The following TVP23A variants were observed in gnomAD, a reference collection of about 807,000 sequenced individuals.
TVP23A encodes trans-golgi network vesicle protein 23 homolog A, also known as Golgi apparatus membrane protein TVP23 homolog A.
In TVP23A, 21 loss-of-function variants were observed where a neutral mutation model predicts 31.7. The observed-to-expected ratio is 0.66, with a 90% CI of 0.47 to 0.95. The LOEUF is 0.95. Among genes scored for constraint, TVP23A ranks in the 40% least tolerant of loss-of-function variants. The pLI is 0.00. For missense variants in TVP23A, 279 were observed against 255.6 expected, an observed-to-expected ratio of 1.09 and a Z score of -0.62; for synonymous variants, 104 against 96.0, an observed-to-expected ratio of 1.08 and a Z score of -0.49.
chr16:10,816,841 T>C (rs1254060058), intron 2 of TVP23A, among the ~76,000 whole-genome samples: 1 of 151,450 alleles, frequency 6.6e-6, no homozygotes, highest in Admixed American at 6.6e-5. Flanking sequence ...ACCTTCACGT[T>C]GTGCACATGT....
At chr16:10,775,247 C>A in intron 2 of TVP23A, 151 bp from the exon 3 acceptor site, 1 of 1,446,246 alleles carries the variant, frequency 6.9e-7, no homozygotes, top group Non-Finnish European at 9.1e-7. Flanking sequence ...CAGGCTGTAG[C>A]CCTGGGGACA....
chr16:10,802,490 G>T (rs1271950881), intron 2 of TVP23A, among the ~76,000 whole-genome samples: 3 of 151,994 alleles, frequency 2.0e-5, no homozygotes, highest in Non-Finnish European at 4.4e-5. Context: ...ATGTTGGCCA[G>T]GCTGGTCTCC....
At chr16:10,803,185 G>A (rs1022233704) in intron 2 of TVP23A, among the ~76,000 whole-genome samples, 4 of 151,774 alleles carry the variant, frequency 2.6e-5, no homozygotes, top group African/African-American at 7.3e-5. Context: ...TCAGGAGGCT[G>A]AGGCAGGAGA....
chr16:10,788,240 T>G (rs915944378), intron 2 of TVP23A, among the ~76,000 whole-genome samples: 2 of 151,376 alleles, frequency 1.3e-5, no homozygotes, highest in Non-Finnish European at 2.9e-5. Context: ...GAGAAAGGAG[T>G]GTCTGGGTTA....
intron 2 of TVP23A, chr16:10,800,399 T>C (rs573182634): frequency 3.3e-5 from 5 of 152,212 alleles, no homozygotes; most frequent in Non-Finnish European, 7.3e-5. Flanking sequence ...CATTTTAATA[T>C]TTCTGGAACC....
rs188679467 is a variant in TVP23A, at chr16:10,790,353, C to T, written c.90-15257G>A. 3.1e-3 allele frequency among the ~76,000 whole-genome samples: 432 copies of T among 139,908 alleles called. 1 individual carries two copies. Among genetic ancestry groups the T allele is most frequent in the Non-Finnish European group, 4.7e-3 (315 of 66,612 alleles). 91.8% of individuals were successfully genotyped at this position (139,908 alleles called of 152,430 possible). On this transcript the variant is annotated intron_variant, in intron 2 of 7. Coordinates refer to ENST00000299866, the MANE Select transcript of TVP23A (RefSeq NM_001079512.4). Reference sequence around the variant, plus strand: ...AGGCTGGAGTGCAGTGGCGTGATCTCGGCTCACTACAACCTCCGCCTTCCA... The same window carrying T: ...AGGCTGGAGTGCAGTGGCGTGATCTTGGCTCACTACAACCTCCGCCTTCCA...
intron 2 of TVP23A, among the ~76,000 whole-genome samples, chr16:10,810,271 T>C (rs1044625852): frequency 1.3e-5 from 2 of 151,810 alleles, no homozygotes; most frequent in Admixed American, 6.6e-5. Flanking sequence ...AGATCCACCC[T>C]CATGCAGTGG....
chr16:10,806,364 C>A (rs1200674498), intron 2 of TVP23A, among the ~76,000 whole-genome samples: 1 of 152,014 alleles, frequency 6.6e-6, no homozygotes, highest in East Asian at 1.9e-4. Flanking sequence ...AAGAAAAGAA[C>A]TAAATACTCT....
chr16:10,767,956 T>C lies in TVP23A; in HGVS notation c.*1146A>G, dbSNP rs747491057. 4.3e-6 allele frequency: 7 copies of C among 1,614,172 alleles called. No homozygotes were observed. Among genetic ancestry groups the C allele is most frequent in the South Asian group, 2.2e-5 (2 of 91,078 alleles). The stretch of plus-strand genomic sequence containing the variant: ...GTTTGTTTCTTTTTTAAGGTAAGAA[T>C]TGTGACAAAGGCCAGTCTTTTTTCA... On this transcript the variant is annotated 3_prime_UTR_variant, in exon 8 of 8. Transcript: ENST00000299866. The surrounding 1 kb of genome is among the most constrained non-coding windows in gnomAD (Gnocchi z 4.6).
chr16:10,811,499 G>T lies in TVP23A; in HGVS notation c.89+6604C>A. Among the ~76,000 whole-genome samples the T allele has an allele frequency of 1.3e-5, 2 of 151,846 alleles. 1 individual carries two copies. The highest frequency in any genetic ancestry group is 3.9e-4 in the East Asian group (2 of 5,184). On this transcript the variant is annotated intron_variant, in intron 2 of 7. Coordinates refer to ENST00000299866, the MANE Select transcript of TVP23A (RefSeq NM_001079512.4). ...TGCTCAGGCTGGTCTCAAACTCCTG[G>T]CCTCAAGCAATCCACCTGACTCAGC...
intron 2 of TVP23A, among the ~76,000 whole-genome samples, chr16:10,778,361 T>C (rs1268641186): frequency 1.3e-5 from 2 of 152,082 alleles, no homozygotes; most frequent in Non-Finnish European, 2.9e-5. Flanking sequence ...CACATAGAAC[T>C]TAAAAACTTC....
chr16:10,770,585 A>C (rs984551283), intron 6 of TVP23A, among the ~76,000 whole-genome samples: 3 of 151,830 alleles, frequency 2.0e-5, no homozygotes, highest in Non-Finnish European at 4.4e-5. Context: ...AAACAAAACA[A>C]AAACAAGCTG....
chr16:10,776,316 A>G (rs1320543173), intron 2 of TVP23A, among the ~76,000 whole-genome samples: 1 of 152,092 alleles, frequency 6.6e-6, no homozygotes, highest in African/African-American at 2.4e-5. Context: ...CGGAGGTTGC[A>G]GTGAGCCAAG....
chr16:10,778,115 G>C (rs1219857041), intron 2 of TVP23A, among the ~76,000 whole-genome samples: 1 of 152,094 alleles, frequency 6.6e-6, no homozygotes, highest in Non-Finnish European at 1.5e-5. Context: ...AGGCAGATCA[G>C]TTGAAGTCAG....
intron 2 of TVP23A, among the ~76,000 whole-genome samples, chr16:10,809,568 T>G (rs992808775): frequency 6.6e-6 from 1 of 152,230 alleles, no homozygotes; most frequent in Non-Finnish European, 1.5e-5. Context: ...CAAAAGGAGC[T>G]ATGTGGGTGC....
chr16:10,770,896 A>T (rs955389222), intron 6 of TVP23A, among the ~76,000 whole-genome samples: 1 of 148,340 alleles, frequency 6.7e-6, no homozygotes, highest in Non-Finnish European at 1.5e-5. Flanking sequence ...AAAAAAAAAA[A>T]TTGAAAAACC....
intron 2 of TVP23A, among the ~76,000 whole-genome samples, chr16:10,778,709 TA>T (rs1180204325): frequency 6.6e-6 from 1 of 150,656 alleles, no homozygotes; most frequent in Non-Finnish European, 1.5e-5. Context: ...CCCATGCCTA[TA>T]ATCCCAGCAC....
downstream of TVP23A, among the ~76,000 whole-genome samples, chr16:10,764,582 TCA>T (rs765487745): frequency 1.3e-5 from 2 of 150,398 alleles, no homozygotes; most frequent in East Asian, 4.0e-4. Context: ...CTGGAGTATG[TCA>T]GTCTATTGGA....
At chr16:10,760,918 A>G (rs1246601786), downstream of TVP23A, 2 of 177,094 alleles carry the variant, frequency 1.1e-5, no homozygotes. Flanking sequence ...TGGGTAACCT[A>G]TAAGGGAAAG....
Sources: gnomAD v4.1 joint callset for allele counts (sites outside exome capture counted in the v4.1 genomes callset) on GRCh38, gnomAD v4.1.1 for gene constraint, Gnocchi (gnomAD v3.1) non-coding constraint, MANE v1.5 for transcripts, NCBI Gene and HGNC (gene_info 2026-07-23, HGNC 2026-07-21) for gene names.